The following ZBTB10 variants were observed in gnomAD, a reference collection of about 807,000 sequenced individuals.
ZBTB10 encodes the protein zinc finger and BTB domain containing 10.
A neutral mutation model predicts 76.4 loss-of-function variants in ZBTB10; 32 were observed. That is an observed-to-expected ratio of 0.42 (90% CI 0.32 to 0.56). The LOEUF (loss-of-function observed/expected upper bound fraction) is 0.56. ZBTB10 is among the 20% of genes least tolerant of loss of function. The probability of loss-of-function intolerance (pLI) is 0.14; values close to 1 mark genes in which losing one functional copy is unlikely to be tolerated. For synonymous variants in ZBTB10, 523 were observed against 432.9 expected (o/e 1.21, Z -2.58); for missense variants, 1,057 against 1,098.5 (o/e 0.96, Z 0.53).
chr8:80,493,213 A>G (rs577973209), intron 1 of ZBTB10, among the ~76,000 whole-genome samples: 4,267 of 109,078 alleles, frequency 0.039, 86 homozygotes, highest in African/African-American at 0.081. Context: ...GCGCGCACAC[A>G]CACACACACA....
chr8:80,506,559 T>TCCC (rs1294327591), intron 2 of ZBTB10, among the ~76,000 whole-genome samples: 59 of 117,264 alleles, frequency 5.0e-4, no homozygotes, highest in African/African-American at 2.5e-3. Context: ...CCTCAGGTGA[T>TCCC]CCACCCCCCC....
At chr8:80,505,551 A>T (rs1160744465) in intron 2 of ZBTB10, among the ~76,000 whole-genome samples, 1 of 152,186 alleles carries the variant, frequency 6.6e-6, no homozygotes, top group Non-Finnish European at 1.5e-5. Context: ...TAGACTTATG[A>T]TGGAAAAATA....
chr8:80,514,432 A>G (rs116252425), intron 3 of ZBTB10, among the ~76,000 whole-genome samples: 2,508 of 152,328 alleles, frequency 0.016, 72 homozygotes, highest in African/African-American at 0.058. Flanking sequence ...CTTGATGAAT[A>G]TAAAAACAAA....
At chr8:80,485,734 A>G, upstream of ZBTB10, 1 of 1,504,042 alleles carries the variant, frequency 6.6e-7, no homozygotes. Flanking sequence ...GTCTTTGTGA[A>G]GGAACAAAAT....
chr8:80,512,068 AATGTGGTACC>A (rs1172470629), intron 2 of ZBTB10, among the ~76,000 whole-genome samples: 2 of 152,258 alleles, frequency 1.3e-5, no homozygotes, highest in Non-Finnish European at 2.9e-5. Context: ...ACTGTTATTT[AATGTGGTACC>A]ACATTAAATA....
intron 5 of ZBTB10, 129 bp downstream of exon 5, chr8:80,519,083 CT>C: frequency 7.1e-7 from 1 of 1,398,976 alleles, no homozygotes; most frequent in Non-Finnish European, 9.5e-7. Flanking sequence ...AACAGTTTGA[CT>C]TTATGAACTG....
At chr8:80,516,170 C>T (rs1422050396) in intron 3 of ZBTB10, among the ~76,000 whole-genome samples, 2 of 152,312 alleles carry the variant, frequency 1.3e-5, no homozygotes, top group East Asian at 3.9e-4. Flanking sequence ...GCGATCCTCC[C>T]ACAGCCTCTC....
chr8:80,501,946 C>T (rs1180943876), intron 2 of ZBTB10, among the ~76,000 whole-genome samples: 7 of 152,046 alleles, frequency 4.6e-5, no homozygotes, highest in African/African-American at 1.5e-4. Flanking sequence ...ATGGTGGGAA[C>T]CCTGTAGTGT....
At chr8:80,488,770 G>C (rs962860099) in intron 1 of ZBTB10, among the ~76,000 whole-genome samples, 7 of 152,294 alleles carry the variant, frequency 4.6e-5, no homozygotes, top group African/African-American at 1.4e-4. Context: ...GGCAACCTGT[G>C]GTGGTGGATG....
intron 1 of ZBTB10, among the ~76,000 whole-genome samples, chr8:80,493,200 C>T (rs1026702316): frequency 2.9e-4 from 34 of 117,618 alleles, no homozygotes; most frequent in Admixed American, 1.0e-3. Context: ...AAAACGCGCG[C>T]GCGCGCGCAC....
At chr8:80,488,293 T>C (rs1815534844) in intron 1 of ZBTB10, among the ~76,000 whole-genome samples, 1 of 152,194 alleles carries the variant, frequency 6.6e-6, no homozygotes, top group East Asian at 1.9e-4. Context: ...GAAATCAAAA[T>C]AATGTCAAGT....
intron 2 of ZBTB10, among the ~76,000 whole-genome samples, chr8:80,509,615 T>C (rs1816140647): frequency 6.6e-6 from 1 of 152,218 alleles, no homozygotes; most frequent in Non-Finnish European, 1.5e-5. Context: ...TAGTCTTGTC[T>C]TTAATGATAC....
At chr8:80,510,111 A>G (rs1281856086) in intron 2 of ZBTB10, among the ~76,000 whole-genome samples, 1 of 152,188 alleles carries the variant, frequency 6.6e-6, no homozygotes, top group East Asian at 1.9e-4. Flanking sequence ...TATCCTTAAG[A>G]TTTTGGAGAA....
chr8:80,498,547 C>T (rs1239772897), intron 1 of ZBTB10, among the ~76,000 whole-genome samples: 1 of 152,166 alleles, frequency 6.6e-6, no homozygotes, highest in East Asian at 1.9e-4. Flanking sequence ...TCAGCTCTGC[C>T]TTGAGGGAGC....
chr8:80,513,852 T>G, intron 2 of ZBTB10, 58 bp from the exon 3 acceptor site: 3 of 1,353,652 alleles, frequency 2.2e-6, no homozygotes, highest in Non-Finnish European at 3.1e-6. Flanking sequence ...AAGAGTGGTG[T>G]TTTGGGTGGT....
chr8:80,522,417 A>G lies in ZBTB10; in HGVS notation c.*2889A>G, dbSNP rs892269968. The G allele has an allele frequency of 6.6e-6, 1 of 151,952 alleles. No homozygotes were observed. The highest frequency in any genetic ancestry group is 1.5e-5 in the Non-Finnish European group (1 of 67,870). 9.4% of individuals were successfully genotyped at this position (151,952 alleles called of 1,614,324 possible). On this transcript the variant is annotated 3_prime_UTR_variant, in exon 6 of 6. Coordinates refer to ENST00000455036, the MANE Select transcript of ZBTB10 (RefSeq NM_001105539.3). ...AAACTTTCTTTCATATTCACTCTGT[A>G]GTTACAGACCGTCTCATAAATCAAG...
chr8:80,504,497 G>A (rs1816002289), intron 2 of ZBTB10, among the ~76,000 whole-genome samples: 1 of 152,148 alleles, frequency 6.6e-6, no homozygotes, highest in South Asian at 2.1e-4. Flanking sequence ...TTTTTATTCA[G>A]ATGGTATTTT....
rs1816472035 is a variant in ZBTB10 at position 80,522,590 on chromosome 8, C to G, written c.*3062C>G. Reference sequence around the variant, plus strand: ...AACGTTATAGGAAAGGGAAACTGAACAGTAATGAGTAGCTTTGAAATTGGG... The same window carrying G: ...AACGTTATAGGAAAGGGAAACTGAAGAGTAATGAGTAGCTTTGAAATTGGG... On this transcript the variant is annotated 3_prime_UTR_variant, in exon 6 of 6. Coordinates refer to ENST00000455036, the MANE Select transcript of ZBTB10 (RefSeq NM_001105539.3). 6.6e-6 allele frequency: 1 copy of G among 151,784 alleles called. No homozygotes were observed. Among genetic ancestry groups the G allele is most frequent in the Admixed American group, 6.6e-5 (1 of 15,194 alleles). The allele number at this position is 151,784 out of a possible 1,614,324, so 9.4% of individuals were successfully genotyped here.
At chr8:80,501,157 C>T (rs1815915047) in intron 2 of ZBTB10, among the ~76,000 whole-genome samples, 1 of 152,194 alleles carries the variant, frequency 6.6e-6, no homozygotes, top group Non-Finnish European at 1.5e-5. Flanking sequence ...TGAGCCACCA[C>T]ACCTGGCCTA....
Sources: allele counts gnomAD v4.1 joint callset (sites outside exome capture counted in the v4.1 genomes callset), GRCh38; gene constraint gnomAD v4.1.1; transcripts MANE v1.5; gene names NCBI Gene and HGNC (gene_info 2026-07-23, HGNC 2026-07-21).